Variants in SEMA3D observed in about 807,000 individuals in gnomAD.
The protein encoded by SEMA3D is semaphorin-3D.
SEMA3D carries 84 observed loss-of-function variants against 100.1 expected under a neutral mutation model. The observed-to-expected ratio is 0.84, with a 90% CI of 0.70 to 1.01. SEMA3D has a LOEUF of 1.01. SEMA3D is among the 50% of genes least tolerant of loss of function. The probability of loss-of-function intolerance (pLI) is 0.00; values close to 1 mark genes in which losing one functional copy is unlikely to be tolerated. For synonymous variants in SEMA3D, 312 were observed against 320.7 expected (o/e 0.97, Z 0.29); for missense variants, 875 against 934.1 (o/e 0.94, Z 0.82).
intron 2 of SEMA3D, among the ~76,000 whole-genome samples, chr7:85,152,385 T>C (rs574528460): frequency 6.6e-6 from 1 of 152,244 alleles, no homozygotes; most frequent in South Asian, 2.1e-4. Context: ...TCAAAAGACA[T>C]CATTGTTCTT....
the SEMA3D span, among the ~76,000 whole-genome samples, chr7:85,194,625 T>A: frequency 2.0e-5 from 3 of 152,182 alleles, no homozygotes; most frequent in Non-Finnish European, 4.4e-5. Flanking sequence ...ATGGTAGCAT[T>A]TAAATTCAAA....
intron 1 of SEMA3D, among the ~76,000 whole-genome samples, chr7:85,154,172 A>G (rs778213604): frequency 1.3e-5 from 2 of 151,810 alleles, no homozygotes; most frequent in South Asian, 2.1e-4. Context: ...CCTCCAAGCC[A>G]TCATATTTCC....
intron 3 of SEMA3D, among the ~76,000 whole-genome samples, chr7:85,114,586 T>C (rs1016204407): frequency 9.2e-5 from 14 of 152,156 alleles, no homozygotes; most frequent in African/African-American, 3.4e-4. Context: ...TGTTGGAAGA[T>C]ATCTAGGATT....
rs1284309394 is a variant in SEMA3D, at chr7:85,022,599, G to T, written c.1206C>A (p.Thr402=). The T allele has an allele frequency of 1.2e-6, 2 of 1,610,538 alleles. No individual in the cohort carries two copies. The highest frequency in any genetic ancestry group is 1.7e-6 in the Non-Finnish European group (2 of 1,177,256). ...YPRPGTCPSK[T]YDPLIKSTRD... ...GGGTGGACTTAATCAGTGGGTCATAGGTTTTGCTTGGACACTGAAAATAAA... is the reference window on the plus strand; with the variant it reads ...GGGTGGACTTAATCAGTGGGTCATATGTTTTGCTTGGACACTGAAAATAAA... Residue 402 remains threonine (T), a synonymous_variant, in exon 13 of 19, where the codon ACC becomes ACA. Coordinates refer to ENST00000284136, the MANE Select transcript of SEMA3D (RefSeq NM_001384900.1).
intron 11 of SEMA3D, among the ~76,000 whole-genome samples, chr7:85,039,327 C>T (rs1790789760): frequency 6.6e-6 from 1 of 152,066 alleles, no homozygotes; most frequent in Admixed American, 6.6e-5. Context: ...AGTGCAATGG[C>T]ACAACCTGCA....
rs140110441 is a variant in SEMA3D, at chr7:85,178,119, G to T, written c.-173+8559C>A. Among the ~76,000 whole-genome samples, 575 of 152,282 alleles carry T rather than the reference G, an allele frequency of 3.8e-3. 4 individuals carry two copies. Among genetic ancestry groups the T allele is most frequent in the African/African-American group, 0.013 (539 of 41,564 alleles). On this transcript the variant is annotated intron_variant, in intron 1 of 18. Transcript: ENST00000284136. Reference sequence around the variant, plus strand: ...CTTCTGCCATGATTGTAAGTTTCCTGAGGCCTACCCAGCCATGTGGAACTG... The same window carrying T: ...CTTCTGCCATGATTGTAAGTTTCCTTAGGCCTACCCAGCCATGTGGAACTG...
At chr7:85,133,581 A>G (rs1789784302) in intron 2 of SEMA3D, among the ~76,000 whole-genome samples, 1 of 151,920 alleles carries the variant, frequency 6.6e-6, no homozygotes, top group Non-Finnish European at 1.5e-5. Flanking sequence ...TGTTTTTACC[A>G]TGTGTTATAG....
chr7:85,121,784 G>A lies in SEMA3D; in HGVS notation c.108C>T (p.Gly36=), dbSNP rs886082408. 1.2e-6 allele frequency: 2 copies of A among 1,607,556 alleles called. No homozygotes were observed. Among genetic ancestry groups the A allele is most frequent in the Non-Finnish European group, 1.7e-6 (2 of 1,177,254 alleles). The change falls in exon 3 of 19, where the codon GGC becomes GGT. Residue 36 remains glycine (G), a synonymous_variant. Transcript: ENST00000284136. The part of the protein sequence containing the change: ...SMTMLFLPVT[G]TLKQNIPRLK... ...GTCTTGGAATATTTTGCTTCAAAGT[G>A]CCAGTGACTGGAAGAAACAACATGG... is the stretch of plus-strand genomic sequence containing the variant.
chr7:85,245,429 C>A, the SEMA3D span, among the ~76,000 whole-genome samples: 2 of 152,152 alleles, frequency 1.3e-5, no homozygotes. Flanking sequence ...TTTTTAAGAA[C>A]TAGCACTATG....
intron 1 of SEMA3D, among the ~76,000 whole-genome samples, chr7:85,170,079 G>A (rs1350195917): frequency 1.3e-5 from 2 of 151,650 alleles, no homozygotes; most frequent in Non-Finnish European, 3.0e-5. Context: ...AAGAGAGAGC[G>A]AGAAAGAAGG....
At chr7:85,009,469 G>T (rs1789891830) in intron 17 of SEMA3D, among the ~76,000 whole-genome samples, 1 of 151,458 alleles carries the variant, frequency 6.6e-6, no homozygotes, top group African/African-American at 2.4e-5. Flanking sequence ...TTAGAAACAA[G>T]TCATTTAATT....
At chr7:85,211,110 G>C in the SEMA3D span, among the ~76,000 whole-genome samples, 1 of 151,914 alleles carries the variant, frequency 6.6e-6, no homozygotes, top group African/African-American at 2.4e-5. Flanking sequence ...TGTCTTATAC[G>C]GAGCAATTAT....
rs10259357 is a variant in SEMA3D, at chr7:85,182,872, G to A, written c.-173+3806C>T. On this transcript the variant is annotated intron_variant, in intron 1 of 18. Transcript: ENST00000284136. ...CTCTGTACCACTCCAGATGTTTAGAGGAAGAATAATAATAACTTTTCAAAA... is the reference window on the plus strand; with the variant it reads ...CTCTGTACCACTCCAGATGTTTAGAAGAAGAATAATAATAACTTTTCAAAA... Among the ~76,000 whole-genome samples, 700 of 152,214 alleles carry A rather than the reference G, an allele frequency of 4.6e-3. 2 individuals are homozygous for A. The highest frequency in any genetic ancestry group is 0.016 in the African/African-American group (674 of 41,520).
intron 4 of SEMA3D, among the ~76,000 whole-genome samples, chr7:85,089,447 C>T (rs1171047644): frequency 8.3e-6 from 1 of 120,990 alleles, no homozygotes; most frequent in African/African-American, 4.0e-5. Context: ...GCAATAAGTG[C>T]TATTTTGTTT....
intron 3 of SEMA3D, among the ~76,000 whole-genome samples, chr7:85,111,228 C>A (rs1789084106): frequency 6.6e-6 from 1 of 151,962 alleles, no homozygotes; most frequent in East Asian, 1.9e-4. Flanking sequence ...TTAAAAATTT[C>A]TATATGTTAA....
intron 4 of SEMA3D, among the ~76,000 whole-genome samples, chr7:85,084,737 T>C (rs1025141508): frequency 6.6e-6 from 1 of 152,174 alleles, no homozygotes; most frequent in African/African-American, 2.4e-5. Flanking sequence ...ACGTTAGTTA[T>C]TTTTTCTGAT....
At chr7:85,013,006 TA>T (rs1447427119) in intron 16 of SEMA3D, among the ~76,000 whole-genome samples, 160 bp from the exon 17 acceptor site, 3 of 151,812 alleles carry the variant, frequency 2.0e-5, no homozygotes, top group Non-Finnish European at 2.9e-5. Context: ...AACATTGATT[TA>T]AAAAACTACT....
In SEMA3D at chr7:85,086,546, G is replaced by A. The variant is rs181004942; in HGVS notation, c.313-4967C>T. Reference sequence around the variant, plus strand: ...ATTATATATAATCTTTATATAATGCGATATATAATGTACAATATACGCACA... The same window carrying A: ...ATTATATATAATCTTTATATAATGCAATATATAATGTACAATATACGCACA... On this transcript the variant is annotated intron_variant, in intron 4 of 18. Transcript: ENST00000284136. Among the ~76,000 whole-genome samples the A allele has an allele frequency of 4.6e-3, 694 of 151,346 alleles. 10 individuals are homozygous for A. The highest frequency in any genetic ancestry group is 0.016 in the African/African-American group (663 of 41,262).
chr7:85,036,704 C>A (rs2115953386), intron 12 of SEMA3D, among the ~76,000 whole-genome samples, 185 bp downstream of exon 12: 1 of 152,068 alleles, frequency 6.6e-6, no homozygotes, highest in Non-Finnish European at 1.5e-5. Context: ...CATTGTTTCT[C>A]AAAGTAACTA....
Sources: allele counts gnomAD v4.1 joint callset (sites outside exome capture counted in the v4.1 genomes callset), GRCh38; gene constraint gnomAD v4.1.1; transcripts MANE v1.5; gene names NCBI Gene and HGNC (gene_info 2026-07-23, HGNC 2026-07-21).